TSPAN14: variants seen among roughly 807,000 people sequenced by gnomAD.
TSPAN14 encodes the protein tetraspanin 14.
In TSPAN14, 16 loss-of-function variants were observed where a neutral mutation model predicts 36.6. That is an observed-to-expected ratio of 0.44 (90% confidence interval 0.30 to 0.66). The LOEUF (loss-of-function observed/expected upper bound fraction) is 0.66. TSPAN14 is among the 30% of genes least tolerant of loss of function. The probability of loss-of-function intolerance (pLI) is 0.12; values close to 1 mark genes in which losing one functional copy is unlikely to be tolerated. For missense variants in TSPAN14, 231 were observed against 355.1 expected, an observed-to-expected ratio of 0.65 and a Z score of 2.81; for synonymous variants, 139 against 143.8, an observed-to-expected ratio of 0.97 and a Z score of 0.24.
intron 6 of TSPAN14, 102 bp from the exon 7 acceptor site, chr10:80,513,917 T>C: frequency 2.1e-6 from 2 of 969,868 alleles, no homozygotes; most frequent in Non-Finnish European, 3.2e-6. Context: ...TAATGGAATT[T>C]GCACAAATGT....
chr10:80,457,061 TCAAAAAA>T (rs780014328), intron 1 of TSPAN14, among the ~76,000 whole-genome samples: 13 of 151,750 alleles, frequency 8.6e-5, no homozygotes, highest in East Asian at 2.0e-4. Context: ...AAACTCCATC[TCAAAAAA>T]CAAAAAACAA....
At chr10:80,483,498 T>G (rs1316826360) in intron 1 of TSPAN14, among the ~76,000 whole-genome samples, 4 of 152,180 alleles carry the variant, frequency 2.6e-5, no homozygotes, top group African/African-American at 9.7e-5. Context: ...GGTGTGACCT[T>G]TTTTTGGGTG....
intron 2 of TSPAN14, among the ~76,000 whole-genome samples, chr10:80,492,329 G>A (rs1847962673): frequency 6.6e-6 from 1 of 152,158 alleles, no homozygotes; most frequent in Non-Finnish European, 1.5e-5. Flanking sequence ...AGATGATTTT[G>A]CAGTGTTTTT....
intron 1 of TSPAN14, among the ~76,000 whole-genome samples, chr10:80,460,438 A>AAC (rs1845912335): frequency 1.3e-5 from 2 of 152,164 alleles, no homozygotes; most frequent in African/African-American, 4.8e-5. Flanking sequence ...CTAGGTCAGG[A>AAC]CCAGATGAGT....
chr10:80,477,653 C>A (rs938280527), intron 1 of TSPAN14, among the ~76,000 whole-genome samples: 8 of 152,156 alleles, frequency 5.3e-5, no homozygotes, highest in Non-Finnish European at 1.5e-5. Context: ...GCAGCTAATG[C>A]AGTTACATCC....
At chr10:80,489,221 T>C in exon 2 of TSPAN14, 1 of 1,569,968 alleles carries the variant, frequency 6.4e-7, no homozygotes, top group Non-Finnish European at 8.7e-7. Context: ...CCGCAGATTC[T>C]GCTTCTCAGA....
intron 1 of TSPAN14, among the ~76,000 whole-genome samples, chr10:80,465,964 G>C (rs988415079): frequency 6.6e-6 from 1 of 152,084 alleles, no homozygotes; most frequent in Admixed American, 6.5e-5. Context: ...GTTGCAGGCG[G>C]GGTGAAGGCC....
At chr10:80,463,215 G>A (rs886903271) in intron 1 of TSPAN14, 6 of 152,116 alleles carry the variant, frequency 3.9e-5, no homozygotes, top group Admixed American at 1.3e-4. Flanking sequence ...CCTTGTTCTA[G>A]GGAAACACCA....
exon 9 of TSPAN14, chr10:80,520,243 T>G: frequency 4.3e-6 from 1 of 231,254 alleles, no homozygotes; most frequent in Non-Finnish European, 8.7e-6. Context: ...TAGACCTGGT[T>G]TAGGATGAAG....
At chr10:80,456,006 C>T (rs911051290) in intron 1 of TSPAN14, among the ~76,000 whole-genome samples, 2 of 152,144 alleles carry the variant, frequency 1.3e-5, no homozygotes, top group Admixed American at 6.5e-5. Context: ...ATATATCCAT[C>T]CCCACATCTC....
chr10:80,476,409 G>GTTTTTTTT (rs60589813), intron 1 of TSPAN14, among the ~76,000 whole-genome samples: 15 of 85,044 alleles, frequency 1.8e-4, no homozygotes, highest in Non-Finnish European at 2.7e-4. Flanking sequence ...TTGTTTTACT[G>GTTTTTTTT]TTTTTTTTTT....
At chr10:80,467,473 G>GTGTA (rs1369145349) in intron 1 of TSPAN14, among the ~76,000 whole-genome samples, 2 of 152,154 alleles carry the variant, frequency 1.3e-5, no homozygotes, top group Admixed American at 1.3e-4. Flanking sequence ...ACTTCCTGGG[G>GTGTA]TGTAGATTCT....
Position 80,458,740 on chromosome 10 carries a change from C to G in TSPAN14, c.-18+4369C>G, listed in dbSNP as rs181388568. Among the ~76,000 whole-genome samples, 407 of 152,288 alleles carry G rather than the reference C, an allele frequency of 2.7e-3. 1 individual carries two copies. The highest frequency in any genetic ancestry group is 4.7e-3 in the Non-Finnish European group (320 of 68,024). On this transcript the variant is annotated intron_variant, in intron 1 of 8. Transcript: ENST00000429989. ...ATCAGGGAGGTTATTCATAATATCTCCACATCCATTTTCTCCCTTAATTGC... is the reference window on the plus strand; with the variant it reads ...ATCAGGGAGGTTATTCATAATATCTGCACATCCATTTTCTCCCTTAATTGC...
Position 80,509,246 on chromosome 10 carries a change from TG to T in TSPAN14, c.280-50del. The T allele has an allele frequency of 1.3e-6, 2 of 1,573,036 alleles. No individual in the cohort carries two copies. The highest frequency in any genetic ancestry group is 1.7e-6 in the Non-Finnish European group (2 of 1,153,844). Reference sequence around the variant, plus strand: ...TCTGGGTCAGGTGGGGTTATGTGTGTGGGGGTGCAGGCTGGTGGGGTGGTGA... The same window carrying T: ...TCTGGGTCAGGTGGGGTTATGTGTGTGGGGTGCAGGCTGGTGGGGTGGTGA... On this transcript the variant is annotated intron_variant, in intron 4 of 8. Transcript: ENST00000429989. This position sits in a 1 kb window ranked among gnomAD's most constrained non-coding sequence, Gnocchi z 4.7.
chr10:80,485,758 G>A, intron 1 of TSPAN14: 1 of 849,744 alleles, frequency 1.2e-6, no homozygotes, highest in Non-Finnish European at 1.4e-6. Flanking sequence ...GGAAAGCGGG[G>A]AGCGGAGAAG....
chr10:80,472,994 T>C (rs1347454597), intron 1 of TSPAN14, among the ~76,000 whole-genome samples: 1 of 152,208 alleles, frequency 6.6e-6, no homozygotes, highest in East Asian at 1.9e-4. Flanking sequence ...AGTAGGCCCA[T>C]GGTTTTTAGT....
intron 2 of TSPAN14, among the ~76,000 whole-genome samples, chr10:80,500,765 G>A (rs1431755078): frequency 6.6e-6 from 1 of 152,218 alleles, no homozygotes; most frequent in Non-Finnish European, 1.5e-5. Flanking sequence ...GAGAAGAACA[G>A]CAAGCGAGGG....
rs2132042193 is a variant in TSPAN14, at chr10:80,504,817, C to A, written c.132+39C>A. 1.9e-6 allele frequency: 3 copies of A among 1,612,078 alleles called. No individual in the cohort carries two copies. The South Asian group carries it at 3.3e-5, about 18-fold the overall frequency. ...TCGCAGGACACTGAGCTTCAGGCAG[C>A]CAAAACCAGATTCGTTGGACTTCAT... On this transcript the variant is annotated intron_variant, in intron 3 of 8. Coordinates refer to ENST00000429989, the Ensembl canonical transcript of TSPAN14.
At chr10:80,511,071 A>G (rs970011113) in intron 5 of TSPAN14, among the ~76,000 whole-genome samples, 7 of 152,274 alleles carry the variant, frequency 4.6e-5, no homozygotes, top group East Asian at 1.9e-4. Flanking sequence ...CACTGTTGTC[A>G]TTTGTTGTGA....
Sources: gnomAD v4.1 joint callset for allele counts (sites outside exome capture counted in the v4.1 genomes callset) on GRCh38, gnomAD v4.1.1 for gene constraint, Gnocchi (gnomAD v3.1) non-coding constraint, MANE v1.5 for transcripts, NCBI Gene and HGNC (gene_info 2026-07-23, HGNC 2026-07-21) for gene names.